ZNF282: variants seen among roughly 807,000 people sequenced by gnomAD.
ZNF282 encodes HTLV-I U5 repressive element-binding protein 1.
In ZNF282, 30 loss-of-function variants were observed where a neutral mutation model predicts 61.9. The observed-to-expected ratio is 0.48, with a 90% CI of 0.36 to 0.66. The LOEUF is 0.66. ZNF282 is among the 30% of genes least tolerant of loss of function. The pLI is 0.00. For synonymous variants in ZNF282, 396 were observed against 405.0 expected (o/e 0.98, Z 0.27); for missense variants, 788 against 941.4 (o/e 0.84, Z 2.13).
intron 4 of ZNF282, among the ~76,000 whole-genome samples, 163 bp from the exon 5 acceptor site, chr7:149,210,422 T>G (rs910041212): frequency 6.6e-6 from 1 of 152,118 alleles, no homozygotes; most frequent in Non-Finnish European, 1.5e-5. Context: ...CCCTGTCTTC[T>G]CCCCTGGCAA....
At chr7:149,222,920 A>G (rs1202399) in intron 7 of ZNF282, among the ~76,000 whole-genome samples, 38,731 of 151,960 alleles carry the variant, frequency 0.25, 5,243 homozygotes, top group Admixed American at 0.36. Flanking sequence ...TGCTGGGATT[A>G]CAGGCGTGAG....
intron 4 of ZNF282, 127 bp downstream of exon 4, chr7:149,207,597 AG>A: frequency 7.1e-7 from 1 of 1,400,610 alleles, no homozygotes. Context: ...GGTGGCTCCC[AG>A]GGGCCAGTTC....
In ZNF282 at chr7:149,224,338, C is replaced by T; in HGVS notation, c.1707C>T (p.Arg569=). Residue 569 remains arginine (R), a synonymous_variant, in exon 8 of 8, where the codon CGC becomes CGT. Coordinates refer to ENST00000610704, the MANE Select transcript of ZNF282 (RefSeq NM_003575.4). ...SGLIRHQMTH[R]GERPYKCSEC... Reference sequence around the variant, plus strand: ...TCATCCGCCACCAGATGACGCACCGCGGCGAGCGGCCCTACAAGTGCTCGG... The same window carrying T: ...TCATCCGCCACCAGATGACGCACCGTGGCGAGCGGCCCTACAAGTGCTCGG... The T allele has an allele frequency of 6.2e-7, 1 of 1,613,806 alleles. No homozygotes were observed. The highest frequency in any genetic ancestry group is 1.1e-5 in the South Asian group (1 of 91,070).
Position 149,207,355 on chromosome 7 carries a change from G to A in ZNF282, c.717G>A (p.Ala239=), listed in dbSNP as rs367801148. Residue 239 remains alanine (A), a synonymous_variant, in exon 4 of 8, where the codon GCG becomes GCA. Coordinates refer to ENST00000610704, the MANE Select transcript of ZNF282 (RefSeq NM_003575.4). Reference sequence around the variant, plus strand: ...CTCCCTCCTCCTCACTTCCAGACGCGGAGGGCTCAGTCCCCAAGCCAGATG... The same window carrying A: ...CTCCCTCCTCCTCACTTCCAGACGCAGAGGGCTCAGTCCCCAAGCCAGATG... ...ENYKTLMSLD[A]EGSVPKPDAP... 114 of 1,587,406 alleles carry A rather than the reference G, an allele frequency of 7.2e-5. 1 individual carries two copies. Among genetic ancestry groups the A allele is most frequent in the Non-Finnish European group, 9.2e-5 (107 of 1,165,218 alleles).
At chr7:149,204,122 T>C (rs1329417110) in intron 2 of ZNF282, among the ~76,000 whole-genome samples, 5 of 152,052 alleles carry the variant, frequency 3.3e-5, no homozygotes, top group Admixed American at 3.3e-4. Flanking sequence ...CTCACGTACC[T>C]GTTGGTGGGA....
At chr7:149,208,084 C>G (rs555676554) in intron 4 of ZNF282, among the ~76,000 whole-genome samples, 4 of 152,350 alleles carry the variant, frequency 2.6e-5, no homozygotes, top group Admixed American at 2.0e-4. Context: ...TCAGGGTCAG[C>G]TTTCCTGAGC....
At chr7:149,212,294 AAC>A in intron 5 of ZNF282, 62 bp from the exon 6 acceptor site, 1 of 1,142,526 alleles carries the variant, frequency 8.8e-7, no homozygotes, top group Non-Finnish European at 1.3e-6. Flanking sequence ...ATTTACTCAA[AAC>A]ACAAACTTGC....
intron 7 of ZNF282, among the ~76,000 whole-genome samples, chr7:149,220,245 A>G (rs1431866121): frequency 1.3e-5 from 2 of 152,012 alleles, no homozygotes; most frequent in South Asian, 2.1e-4. Flanking sequence ...CGTCTCTACT[A>G]AAAATACAAA....
At chr7:149,212,845 G>T (rs1483324622) in intron 6 of ZNF282, among the ~76,000 whole-genome samples, 5 of 152,178 alleles carry the variant, frequency 3.3e-5, no homozygotes, top group Admixed American at 2.6e-4. Flanking sequence ...GCCTCCCAAA[G>T]TGCTGGGATT....
intron 7 of ZNF282, among the ~76,000 whole-genome samples, chr7:149,217,467 G>C (rs1485883629): frequency 2.0e-5 from 3 of 152,212 alleles, no homozygotes; most frequent in Non-Finnish European, 2.9e-5. Context: ...GGGAGGCTAA[G>C]GCAGGAGAAT....
intron 5 of ZNF282, among the ~76,000 whole-genome samples, chr7:149,211,472 G>A (rs879117784): frequency 5.3e-5 from 8 of 152,024 alleles, no homozygotes; most frequent in East Asian, 1.9e-4. Flanking sequence ...GATGAGGCCC[G>A]CCCACATCAT....
At chr7:149,218,516 A>C (rs1286368836) in intron 7 of ZNF282, among the ~76,000 whole-genome samples, 1 of 152,152 alleles carries the variant, frequency 6.6e-6, no homozygotes, top group Admixed American at 6.5e-5. Flanking sequence ...TTGAGGTGAC[A>C]CTCAAGTAGC....
intron 2 of ZNF282, 63 bp from the exon 3 acceptor site, chr7:149,206,630 CAGG>C: frequency 6.2e-7 from 1 of 1,605,230 alleles, no homozygotes; most frequent in Non-Finnish European, 8.5e-7. Context: ...TTGTGGCCCG[CAGG>C]AGAAGGGGAG....
In ZNF282 at chr7:149,207,395, G is replaced by A. The variant is rs1221425863; in HGVS notation, c.757G>A (p.Glu253Lys). ...VPKPDAPVQA[E>K]PREEPCVWEQ... Reference sequence around the variant, plus strand: ...CAAGCCAGATGCTCCAGTCCAGGCTGAGCCCAGGGAAGAACCTTGTGTGTG... The same window carrying A: ...CAAGCCAGATGCTCCAGTCCAGGCTAAGCCCAGGGAAGAACCTTGTGTGTG... Residue 253 changes from glutamate (E) to lysine (K), a missense_variant, in exon 4 of 8, where the codon GAG (glutamate) becomes AAG (lysine). By Grantham distance (56) the Glu-to-Lys change is moderately conservative (BLOSUM62 1). Coordinates refer to ENST00000610704, the MANE Select transcript of ZNF282 (RefSeq NM_003575.4). 1 of 1,580,746 alleles carries A rather than the reference G, an allele frequency of 6.3e-7. No individual in the cohort carries two copies. The highest frequency in any genetic ancestry group is 8.6e-7 in the Non-Finnish European group (1 of 1,161,652).
chr7:149,207,292 C>G lies in ZNF282; in HGVS notation c.713-59C>G, dbSNP rs1796007265. On this transcript the variant is annotated intron_variant, in intron 3 of 7. Transcript: ENST00000610704. The stretch of plus-strand genomic sequence containing the variant: ...GGGTAGGGGAGAGTTCTCCCTTCCC[C>G]TTGCTGGATGCGTTGGTCAACTTCA... 1.9e-6 allele frequency: 3 copies of G among 1,549,622 alleles called. No individual in the cohort carries two copies. The South Asian group carries it at 3.6e-5, about 18-fold the overall frequency.
At chr7:149,223,702 T>A in intron 7 of ZNF282, 110 bp from the exon 8 acceptor site, 1 of 1,189,156 alleles carries the variant, frequency 8.4e-7, no homozygotes, top group Non-Finnish European at 1.1e-6. Context: ...TCCCTCGTAG[T>A]TAGTGGAACT....
At chr7:149,216,747 C>T (rs946255090) in intron 7 of ZNF282, among the ~76,000 whole-genome samples, 6 of 152,198 alleles carry the variant, frequency 3.9e-5, no homozygotes, top group Non-Finnish European at 2.9e-5. Context: ...CACGGGATAC[C>T]TGTCCTTGCC....
chr7:149,202,625 T>C (rs1795929461), intron 2 of ZNF282, among the ~76,000 whole-genome samples: 1 of 151,944 alleles, frequency 6.6e-6, no homozygotes. Flanking sequence ...AATTTTTGTA[T>C]TTTTTAGTAG....
Position 149,198,334 on chromosome 7 carries a change from C to T in ZNF282, c.167C>T (p.Ala56Val), listed in dbSNP as rs781434440. 2 of 1,602,736 alleles carry T rather than the reference C, an allele frequency of 1.2e-6. No homozygotes were observed. The highest frequency in any genetic ancestry group is 1.7e-6 in the Non-Finnish European group (2 of 1,173,286). ...EMAEGMPPMQ[A>V]QEWDMDARRP... Reference sequence around the variant, plus strand: ...GTCGCTTTCTCCCTCTGCATACAGGCTCAAGAATGGGACATGGACGCCCGG... The same window carrying T: ...GTCGCTTTCTCCCTCTGCATACAGGTTCAAGAATGGGACATGGACGCCCGG... Residue 56 changes from alanine to valine, a missense_variant and splice_region_variant, in exon 2 of 8, where the codon GCT becomes GTT. This residue lies in a region of ZNF282 where 137 missense variants were observed against 135.4 expected (regional missense o/e 1.01). Coordinates refer to ENST00000610704, the MANE Select transcript of ZNF282 (RefSeq NM_003575.4). The surrounding 1 kb of genome is among the most constrained non-coding windows in gnomAD (Gnocchi z 4.3).
Sources: gnomAD v4.1 joint callset for allele counts (sites outside exome capture counted in the v4.1 genomes callset) on GRCh38, gnomAD v4.1.1 for gene constraint, gnomAD v4.1.1 regional missense constraint, Gnocchi (gnomAD v3.1) non-coding constraint, MANE v1.5 for transcripts, NCBI Gene and HGNC (gene_info 2026-07-23, HGNC 2026-07-21) for gene names.